UROC1: variants seen among roughly 807,000 people sequenced by gnomAD.
The protein encoded by UROC1 is urocanate hydratase.
UROC1 carries 79 observed loss-of-function variants against 89.5 expected under a neutral mutation model. That is an observed-to-expected ratio of 0.88 (90% CI 0.74 to 1.06). The LOEUF (loss-of-function observed/expected upper bound fraction) is 1.06. UROC1 is among the 50% of genes least tolerant of loss of function. The pLI is 0.00. For missense variants in UROC1, 885 were observed against 907.8 expected (o/e 0.97, Z 0.32); for synonymous variants, 361 against 354.8 (o/e 1.02, Z -0.20).
chr3:126,492,732 C>T lies in UROC1; in HGVS notation c.1510-216G>A, dbSNP rs944473809. Among the ~76,000 whole-genome samples, 11 of 152,168 alleles carry T rather than the reference C, an allele frequency of 7.2e-5. No individual in the cohort carries two copies. In the East Asian group the frequency reaches 1.9e-3, roughly 27 times the overall value. On this transcript the variant is annotated intron_variant, in intron 15 of 19. Coordinates refer to ENST00000290868, the MANE Select transcript of UROC1 (RefSeq NM_144639.3). ...CATTCAGCCCACTAGACAGCCATACCGGCCCCACATGTCCACTGTAGTCTG... is the reference window on the plus strand; with the variant it reads ...CATTCAGCCCACTAGACAGCCATACTGGCCCCACATGTCCACTGTAGTCTG...
intron 1 of UROC1, among the ~76,000 whole-genome samples, chr3:126,516,832 C>T (rs1054185216): frequency 6.7e-6 from 1 of 150,296 alleles, no homozygotes; most frequent in African/African-American, 2.5e-5. Context: ...GTGCAAAGGG[C>T]AGCCATCTTT....
intron 6 of UROC1, among the ~76,000 whole-genome samples, chr3:126,507,269 A>G (rs1238571308): frequency 2.6e-5 from 4 of 152,004 alleles, no homozygotes; most frequent in African/African-American, 9.7e-5. Flanking sequence ...GCATCTTATT[A>G]CATGCAAGTT....
At chr3:126,508,754 G>A (rs1180282382) in intron 3 of UROC1, among the ~76,000 whole-genome samples, 1 of 152,098 alleles carries the variant, frequency 6.6e-6, no homozygotes, top group African/African-American at 2.4e-5. Context: ...CAGGGTCTGG[G>A]GCCAGGGCCA....
chr3:126,488,469 A>G (rs529810996), intron 17 of UROC1, among the ~76,000 whole-genome samples, 190 bp from the exon 18 acceptor site: 5 of 152,360 alleles, frequency 3.3e-5, no homozygotes, highest in Admixed American at 6.5e-5. Context: ...GAGTGGGAGA[A>G]ACTGACACAC....
rs146649987 is a variant in UROC1, at chr3:126,498,014, G to A, written c.1438+37C>T. On this transcript the variant is annotated intron_variant, in intron 14 of 19. Coordinates refer to ENST00000290868, the MANE Select transcript of UROC1 (RefSeq NM_144639.3). ...CTATGGAGGCAGAAGCTTTGGGGGG[G>A]CCACCCACCCATGGGCATCCCCACC... is the stretch of plus-strand genomic sequence containing the variant. 1,941 of 1,613,404 alleles carry A rather than the reference G, an allele frequency of 1.2e-3. 24 individuals are homozygous for A. In the Middle Eastern group the frequency reaches 0.014, roughly 12 times the overall value.
At chr3:126,497,609 G>A (rs1475491626) in intron 14 of UROC1, among the ~76,000 whole-genome samples, 3 of 152,248 alleles carry the variant, frequency 2.0e-5, no homozygotes, top group East Asian at 1.9e-4. Context: ...CCCTGGCCAC[G>A]TGGAGGGGGA....
At position 126,499,414 on chromosome 3, in the gene UROC1, G is replaced by A; in HGVS notation, c.1244-5C>T. ...CTTTCTTCTCCACATCCGCTCCTGT[G>A]GGCAGAGCCCGGACAGTCACCACCC... On this transcript the variant is annotated splice_polypyrimidine_tract_variant and splice_region_variant and intron_variant, in intron 12 of 19. Coordinates refer to ENST00000290868, the MANE Select transcript of UROC1 (RefSeq NM_144639.3). 6.2e-7 allele frequency: 1 copy of A among 1,610,998 alleles called. No homozygotes were observed. Among genetic ancestry groups the A allele is most frequent in the Non-Finnish European group, 8.5e-7 (1 of 1,178,768 alleles).
chr3:126,509,444 G>T, intron 3 of UROC1, 141 bp downstream of exon 3: 1 of 802,676 alleles, frequency 1.2e-6, no homozygotes, highest in Non-Finnish European at 2.1e-6. Context: ...CGAGGGAAGG[G>T]CCAGGGACCT....
intron 1 of UROC1, among the ~76,000 whole-genome samples, chr3:126,515,010 C>T (rs964717704): frequency 1.3e-5 from 2 of 151,960 alleles, no homozygotes; most frequent in Non-Finnish European, 2.9e-5. Context: ...CTCAGGGAGC[C>T]GCCCGTAGCC....
chr3:126,499,482 C>G, intron 12 of UROC1, 73 bp from the exon 13 acceptor site: 1 of 1,443,534 alleles, frequency 6.9e-7, no homozygotes, highest in Non-Finnish European at 9.6e-7. Flanking sequence ...AACTTAAACA[C>G]AGGGCCCAGA....
chr3:126,495,692 T>C lies in UROC1; in HGVS notation c.1509+346A>G, dbSNP rs149507263. 6.3e-4 allele frequency among the ~76,000 whole-genome samples: 96 copies of C among 152,312 alleles called. 1 individual carries two copies. The highest frequency in any genetic ancestry group is 2.3e-3 in the African/African-American group (94 of 41,570). On this transcript the variant is annotated intron_variant, in intron 15 of 19. Transcript: ENST00000290868. Reference sequence around the variant, plus strand: ...GAAGTGGAATTGCTGGGTCATAGGGTAATTCTATTTTTGATTTTTTGCAGA... The same window carrying C: ...GAAGTGGAATTGCTGGGTCATAGGGCAATTCTATTTTTGATTTTTTGCAGA...
chr3:126,488,855 C>T (rs114265190), intron 17 of UROC1, among the ~76,000 whole-genome samples: 2,195 of 152,294 alleles, frequency 0.014, 21 homozygotes, highest in South Asian at 0.024. Context: ...AAGGCGTTTG[C>T]ACCCTCTTGC....
At chr3:126,501,658 G>A (rs1050908214) in intron 9 of UROC1, 29 of 1,118,410 alleles carry the variant, frequency 2.6e-5, no homozygotes, top group Middle Eastern at 2.6e-4. Context: ...AAAATTATTC[G>A]GAAAAATAGG....
In UROC1 at chr3:126,505,955, T is replaced by C; in HGVS notation, c.659A>G (p.His220Arg). The C allele has an allele frequency of 1.3e-6, 2 of 1,506,040 alleles. No individual in the cohort carries two copies. The highest frequency in any genetic ancestry group is 1.8e-6 in the Non-Finnish European group (2 of 1,112,800). The allele number at this position is 1,506,040 out of a possible 1,614,324, so 93.3% of individuals were successfully genotyped here. ...YCYIGPQGIV[H>R]GTVLTVLNAA... ...GGCCCCATCTCTCACCACAGTGCCA[T>C]GAACGATTCCCTGGGGACCGATGTA... Residue 220 changes from histidine (H) to arginine (R), a missense_variant, in exon 7 of 20, where the codon CAT (histidine) becomes CGT (arginine). Transcript: ENST00000290868.
At chr3:126,495,888 C>T (rs1935763987) in intron 15 of UROC1, 150 bp downstream of exon 15, 6 of 750,600 alleles carry the variant, frequency 8.0e-6, no homozygotes, top group Non-Finnish European at 1.4e-5. Flanking sequence ...CTGGCACAAA[C>T]AGTCACACAG....
chr3:126,486,774 T>C (rs1190482994), intron 18 of UROC1, among the ~76,000 whole-genome samples: 5 of 152,020 alleles, frequency 3.3e-5, no homozygotes, highest in African/African-American at 2.4e-5. Flanking sequence ...ACGGTGGGGA[T>C]GGAATTGGGA....
chr3:126,486,794 C>G (rs1188948972), intron 18 of UROC1, among the ~76,000 whole-genome samples: 1 of 152,190 alleles, frequency 6.6e-6, no homozygotes, highest in Admixed American at 6.5e-5. Context: ...AGTGGCATCC[C>G]TTTCGAGTAG....
At chr3:126,502,267 CTG>C (rs1350085789) in intron 9 of UROC1, among the ~76,000 whole-genome samples, 3 of 144,030 alleles carry the variant, frequency 2.1e-5, no homozygotes, top group South Asian at 2.3e-4. Flanking sequence ...GTGTGTGCGC[CTG>C]TGTGTTTATG....
intron 16 of UROC1, 41 bp from the exon 17 acceptor site, chr3:126,489,416 A>C (rs770308726): frequency 2.4e-5 from 37 of 1,532,130 alleles, no homozygotes; most frequent in Non-Finnish European, 3.0e-5. Flanking sequence ...AACAGTGTCC[A>C]CCATGGCTTC....
Sources: allele counts gnomAD v4.1 joint callset (sites outside exome capture counted in the v4.1 genomes callset), GRCh38; gene constraint gnomAD v4.1.1; transcripts MANE v1.5; gene names NCBI Gene and HGNC (gene_info 2026-07-23, HGNC 2026-07-21).